The following SSBP3 variants were observed in gnomAD, a reference collection of about 807,000 sequenced individuals.
SSBP3 encodes the protein single-stranded DNA-binding protein 3.
In SSBP3, 5 loss-of-function variants were observed where a neutral mutation model predicts 69.6. The ratio of observed to expected loss-of-function variants is 0.07; its 90% confidence interval spans 0.04 to 0.15. The LOEUF is 0.15. Ranked by LOEUF, SSBP3 falls within the 10% of genes least tolerant of loss-of-function variation. The pLI is 1.00. For missense variants in SSBP3, 312 were observed against 534.0 expected (o/e 0.58, Z 4.10); for synonymous variants, 196 against 193.4 (o/e 1.01, Z -0.11).
rs1449679558 is a variant in SSBP3, at chr1:54,294,161, AAG to A, written c.277-12636_277-12635del. ...CCATCTCAAAAAAAAAAAAAAAAAA[AAG>A]AAAGAAAGAAAGAAAGAAAGAAAGA... On this transcript the variant is annotated intron_variant, in intron 4 of 17. Coordinates refer to ENST00000610401, the Ensembl canonical transcript of SSBP3. Among the ~76,000 whole-genome samples, 101 of 70,458 alleles carry A rather than the reference AAG, an allele frequency of 1.4e-3. 3 individuals are homozygous for A. The highest frequency in any genetic ancestry group is 4.0e-3 in the African/African-American group (79 of 19,922). 46.2% of individuals were successfully genotyped at this position (70,458 alleles called of 152,430 possible). A position where few individuals can be genotyped will look rare whatever the true frequency, so the allele number is the denominator to read the frequency against.
intron 4 of SSBP3, among the ~76,000 whole-genome samples, chr1:54,350,580 G>A (rs1430729240): frequency 6.6e-6 from 1 of 152,200 alleles, no homozygotes; most frequent in Non-Finnish European, 1.5e-5. Flanking sequence ...CCCGGGTTTG[G>A]CTGAGGAGCT....
intron 4 of SSBP3, among the ~76,000 whole-genome samples, chr1:54,370,631 C>T (rs1451005993): frequency 6.6e-6 from 1 of 152,174 alleles, no homozygotes; most frequent in Non-Finnish European, 1.5e-5. Context: ...TAAGCCTTGT[C>T]TGTCACTGCC....
chr1:54,261,299 A>G (rs1401363149), intron 5 of SSBP3, among the ~76,000 whole-genome samples: 4 of 152,238 alleles, frequency 2.6e-5, no homozygotes, highest in African/African-American at 9.6e-5. Flanking sequence ...TAGGCCACAA[A>G]AAGTGCTCTC....
At chr1:54,401,802 G>A in intron 4 of SSBP3, 59 bp downstream of exon 4, 1 of 1,444,546 alleles carries the variant, frequency 6.9e-7, no homozygotes, top group Non-Finnish European at 9.7e-7. Context: ...TTTCGTACTA[G>A]AGAAGTTAGA....
chr1:54,260,084 G>A (rs930409768), intron 5 of SSBP3, among the ~76,000 whole-genome samples: 2 of 152,202 alleles, frequency 1.3e-5, no homozygotes, highest in Non-Finnish European at 2.9e-5. Flanking sequence ...AAATTAAAAA[G>A]GGAGGGGAGT....
At chr1:54,256,688 CT>C (rs920910865) in intron 7 of SSBP3, among the ~76,000 whole-genome samples, 21 of 152,178 alleles carry the variant, frequency 1.4e-4, no homozygotes, top group African/African-American at 4.8e-4. Context: ...ATTTCCCCCC[CT>C]AATAGCAGGA....
chr1:54,269,208 T>G (rs1481435687), intron 5 of SSBP3, among the ~76,000 whole-genome samples: 1 of 152,128 alleles, frequency 6.6e-6, no homozygotes, highest in Non-Finnish European at 1.5e-5. Flanking sequence ...TCTGAGCTGC[T>G]CTTGGGGTTG....
intron 14 of SSBP3, among the ~76,000 whole-genome samples, chr1:54,234,356 TA>T (rs112709537): frequency 2.0e-5 from 3 of 148,652 alleles, no homozygotes; most frequent in South Asian, 2.1e-4. Flanking sequence ...AAAAATAAAT[TA>T]AAAAAAATAA....
intron 13 of SSBP3, 67 bp from the exon 14 acceptor site, chr1:54,239,266 G>A: frequency 8.1e-7 from 1 of 1,232,458 alleles, no homozygotes; most frequent in South Asian, 1.4e-5. Context: ...CAAACTCATG[G>A]CACTGGAACT....
chr1:54,274,096 T>C (rs889474022), intron 5 of SSBP3, among the ~76,000 whole-genome samples: 1 of 152,086 alleles, frequency 6.6e-6, no homozygotes, highest in Non-Finnish European at 1.5e-5. Context: ...TCTTCCCCAG[T>C]AGGAGGCTGC....
rs1214230840 is a variant in SSBP3 at position 54,243,318 on chromosome 1, G to T, written c.652-19C>A. On this transcript the variant is annotated intron_variant, in intron 9 of 17. Coordinates refer to ENST00000610401, the Ensembl canonical transcript of SSBP3. ...CGTAATTCTGCAACGATAACCAAGG[G>T]TCAGTCTATGAGAAGAAGGGAACCG... is the stretch of plus-strand genomic sequence containing the variant. 6.2e-7 allele frequency: 1 copy of T among 1,614,126 alleles called. No homozygotes were observed. Among genetic ancestry groups the T allele is most frequent in the Non-Finnish European group, 8.5e-7 (1 of 1,179,994 alleles).
chr1:54,372,172 C>A (rs1181997968), intron 4 of SSBP3, among the ~76,000 whole-genome samples: 1 of 152,220 alleles, frequency 6.6e-6, no homozygotes, highest in African/African-American at 2.4e-5. Flanking sequence ...TGACAAATTA[C>A]TTCCCTTCTC....
chr1:54,242,098 A>G (rs1322726559), intron 11 of SSBP3, 66 bp downstream of exon 11: 7 of 1,573,098 alleles, frequency 4.4e-6, no homozygotes, highest in Non-Finnish European at 5.2e-6. Flanking sequence ...ACCCAGGGAC[A>G]GTAGCTCCCC....
intron 4 of SSBP3, among the ~76,000 whole-genome samples, chr1:54,329,563 G>A (rs889967791): frequency 1.3e-5 from 2 of 152,238 alleles, no homozygotes; most frequent in African/African-American, 2.4e-5. Context: ...CCACCTGCCT[G>A]TGCTTGGTCC....
exon 9 of SSBP3, chr1:54,251,659 A>G: frequency 1.9e-6 from 3 of 1,553,276 alleles, no homozygotes; most frequent in Non-Finnish European, 2.6e-6. Flanking sequence ...GGGAGGGTTC[A>G]TTCTCTGCAT....
intron 4 of SSBP3, among the ~76,000 whole-genome samples, chr1:54,321,011 A>G (rs1036438177): frequency 3.3e-5 from 5 of 152,254 alleles, no homozygotes; most frequent in African/African-American, 1.2e-4. Flanking sequence ...AAGCAAAAGC[A>G]GCAAGGGGCA....
intron 4 of SSBP3, among the ~76,000 whole-genome samples, chr1:54,382,784 G>C (rs917058667): frequency 6.6e-5 from 10 of 151,746 alleles, no homozygotes; most frequent in Admixed American, 1.3e-4. Context: ...TCGGGAGTTC[G>C]AGACCAGCCT....
intron 4 of SSBP3, among the ~76,000 whole-genome samples, chr1:54,362,884 A>C (rs1212027833): frequency 3.3e-5 from 5 of 152,028 alleles, no homozygotes; most frequent in Admixed American, 1.3e-4. Flanking sequence ...GAGGACAGGC[A>C]TTTATAAGAG....
chr1:54,372,771 C>T (rs374110091), intron 4 of SSBP3, among the ~76,000 whole-genome samples: 6 of 152,178 alleles, frequency 3.9e-5, no homozygotes, highest in Non-Finnish European at 8.8e-5. Context: ...CTAGTGTATA[C>T]CTGTACCCTG....
Sources: allele counts gnomAD v4.1 joint callset (sites outside exome capture counted in the v4.1 genomes callset), GRCh38; gene constraint gnomAD v4.1.1; transcripts MANE v1.5; gene names NCBI Gene and HGNC (gene_info 2026-07-23, HGNC 2026-07-21).